The following CTNNA3 variants were observed in gnomAD, a reference collection of about 807,000 sequenced individuals.
CTNNA3 encodes catenin alpha 3.
In CTNNA3, 76 loss-of-function variants were observed where a neutral mutation model predicts 95.7. The ratio of observed to expected loss-of-function variants is 0.79; its 90% confidence interval spans 0.66 to 0.96. CTNNA3 has a LOEUF of 0.96. Among genes scored for constraint, CTNNA3 ranks in the 40% least tolerant of loss-of-function variants. CTNNA3 has a pLI of 0.00. For synonymous variants in CTNNA3, 431 were observed against 374.4 expected, an observed-to-expected ratio of 1.15 and a Z score of -1.74; for missense variants, 1,191 against 1,089.8, an observed-to-expected ratio of 1.09 and a Z score of -1.31.
At chr10:66,090,464 A>G (rs2133690413) in intron 14 of CTNNA3, among the ~76,000 whole-genome samples, 1 of 152,120 alleles carries the variant, frequency 6.6e-6, no homozygotes, top group East Asian at 1.9e-4. Context: ...TTCCTTATAA[A>G]TATTAACTCC....
chr10:67,111,230 T>C (rs1250228611), intron 7 of CTNNA3, among the ~76,000 whole-genome samples: 1 of 152,150 alleles, frequency 6.6e-6, no homozygotes, highest in Non-Finnish European at 1.5e-5. Flanking sequence ...CATTAATTTA[T>C]CTTGAAAAAT....
chr10:67,243,118 C>T (rs1181192305), intron 5 of CTNNA3, among the ~76,000 whole-genome samples: 1 of 152,102 alleles, frequency 6.6e-6, no homozygotes, highest in African/African-American at 2.4e-5. Flanking sequence ...AGCTGCATAT[C>T]TCAAGTTGAG....
chr10:67,609,075 G>A lies in CTNNA3; in HGVS notation c.100-2026C>T, dbSNP rs78109826. On this transcript the variant is annotated intron_variant, in intron 2 of 17. Coordinates refer to ENST00000433211, the MANE Select transcript of CTNNA3 (RefSeq NM_013266.4). Reference sequence around the variant, plus strand: ...ATTGCACTCCAGCCTGGGCAACAAGGGCAAAACTCTATCTCAAAAAAAAAA... The same window carrying A: ...ATTGCACTCCAGCCTGGGCAACAAGAGCAAAACTCTATCTCAAAAAAAAAA... Among the ~76,000 whole-genome samples, 4,516 of 120,246 alleles carry A rather than the reference G, an allele frequency of 0.038. 532 individuals carry two copies. The East Asian group carries it at 0.44, about 12-fold the overall frequency. The allele number at this position is 120,246 out of a possible 152,430, so 78.9% of individuals were successfully genotyped here. A position where few individuals can be genotyped will look rare whatever the true frequency, so the allele number is the denominator to read the frequency against.
chr10:66,986,921 A>T (rs1850759744), intron 7 of CTNNA3, among the ~76,000 whole-genome samples: 1 of 152,166 alleles, frequency 6.6e-6, no homozygotes, highest in Non-Finnish European at 1.5e-5. Flanking sequence ...CACTGTCTTC[A>T]TGAAGTTTAT....
At chr10:66,557,978 C>A (rs1842442789) in intron 10 of CTNNA3, among the ~76,000 whole-genome samples, 2 of 151,884 alleles carry the variant, frequency 1.3e-5, no homozygotes, top group Non-Finnish European at 2.9e-5. Flanking sequence ...GAGGTATTTC[C>A]AGTATATATA....
chr10:66,985,492 C>T (rs948113503), intron 7 of CTNNA3, among the ~76,000 whole-genome samples: 6 of 152,096 alleles, frequency 3.9e-5, no homozygotes, highest in Non-Finnish European at 7.4e-5. Context: ...GTATACCCAG[C>T]CCTCCTCCTC....
intron 13 of CTNNA3, among the ~76,000 whole-genome samples, chr10:66,154,389 G>C (rs545613709): frequency 6.6e-6 from 1 of 151,458 alleles, no homozygotes; most frequent in Non-Finnish European, 1.5e-5. Flanking sequence ...CCCATACTAC[G>C]ACAGGTCTTT....
At chr10:66,876,072 A>G (rs888520510) in intron 7 of CTNNA3, among the ~76,000 whole-genome samples, 1 of 152,202 alleles carries the variant, frequency 6.6e-6, no homozygotes, top group African/African-American at 2.4e-5. Flanking sequence ...AGCAGAATAC[A>G]TAATAAATAT....
chr10:66,288,402 G>A (rs933957910), intron 12 of CTNNA3, among the ~76,000 whole-genome samples: 2 of 151,974 alleles, frequency 1.3e-5, no homozygotes, highest in Non-Finnish European at 2.9e-5. Flanking sequence ...GAGTTGGGGA[G>A]AGGAAACCTA....
At chr10:67,222,247 A>G (rs909989488) in intron 5 of CTNNA3, among the ~76,000 whole-genome samples, 2 of 152,192 alleles carry the variant, frequency 1.3e-5, no homozygotes, top group African/African-American at 2.4e-5. Context: ...AGTAGCTATC[A>G]ACCCACTGTT....
intron 9 of CTNNA3, among the ~76,000 whole-genome samples, chr10:66,680,178 T>C: frequency 6.6e-6 from 1 of 151,284 alleles, no homozygotes; most frequent in Non-Finnish European, 1.5e-5. Flanking sequence ...TTTTTTTTGT[T>C]TGTTTTTTGT....
rs182267018 is a variant in CTNNA3, at chr10:66,207,922, A to T, written c.1884+72548T>A. Among the ~76,000 whole-genome samples, 5 of 152,214 alleles carry T rather than the reference A, an allele frequency of 3.3e-5. No individual in the cohort carries two copies. The East Asian group carries it at 9.6e-4, about 29-fold the overall frequency. On this transcript the variant is annotated intron_variant, in intron 13 of 17. Coordinates refer to ENST00000433211, the MANE Select transcript of CTNNA3 (RefSeq NM_013266.4). ...AATATTGTGCTGTAGTCATTCACAGAAGCTGAAACAGCAAAATACAAACTA... is the reference window on the plus strand; with the variant it reads ...AATATTGTGCTGTAGTCATTCACAGTAGCTGAAACAGCAAAATACAAACTA...
intron 1 of CTNNA3, among the ~76,000 whole-genome samples, chr10:67,719,481 G>C (rs1455979930): frequency 1.3e-5 from 2 of 152,180 alleles, no homozygotes; most frequent in East Asian, 3.8e-4. Flanking sequence ...ATGTGTCCCA[G>C]AGATTCTGGT....
rs932534588 is a variant in CTNNA3 at position 66,640,987 on chromosome 10, A to G, written c.1282-19203T>C. Among the ~76,000 whole-genome samples the G allele has an allele frequency of 3.9e-5, 6 of 152,178 alleles. 1 individual carries two copies. The highest frequency in any genetic ancestry group is 8.8e-5 in the Non-Finnish European group (6 of 68,026). On this transcript the variant is annotated intron_variant, in intron 9 of 17. Transcript: ENST00000433211. ...GACATGGGAGAAAAAAACAAAAATC[A>G]TTTTTAAATTGATTGTTATTTGCAG...
At chr10:66,568,006 A>G (rs1354224196) in intron 10 of CTNNA3, among the ~76,000 whole-genome samples, 1 of 152,206 alleles carries the variant, frequency 6.6e-6, no homozygotes, top group African/African-American at 2.4e-5. Flanking sequence ...AAACATGTAT[A>G]CTTCACATTT....
At chr10:66,095,909 T>C (rs1449778254) in intron 14 of CTNNA3, among the ~76,000 whole-genome samples, 3 of 152,086 alleles carry the variant, frequency 2.0e-5, no homozygotes, top group Non-Finnish European at 1.5e-5. Flanking sequence ...AACTATATGC[T>C]CTTAAGTGAA....
chr10:67,209,345 G>T (rs1295924069), intron 6 of CTNNA3, among the ~76,000 whole-genome samples: 1 of 152,066 alleles, frequency 6.6e-6, no homozygotes, highest in Admixed American at 6.6e-5. Flanking sequence ...CACCGCACGG[G>T]CCTAATATAA....
intron 6 of CTNNA3, among the ~76,000 whole-genome samples, chr10:67,197,944 C>T (rs890933966): frequency 2.0e-5 from 3 of 152,076 alleles, no homozygotes; most frequent in African/African-American, 7.2e-5. Flanking sequence ...TGCAAAGAAA[C>T]TGTATTGACT....
At chr10:66,407,402 G>A (rs2093066239) in intron 11 of CTNNA3, among the ~76,000 whole-genome samples, 1 of 151,866 alleles carries the variant, frequency 6.6e-6, no homozygotes, top group African/African-American at 2.4e-5. Flanking sequence ...ACATACTATA[G>A]GAGAAATATC....
Sources: allele counts gnomAD v4.1 joint callset (sites outside exome capture counted in the v4.1 genomes callset), GRCh38; gene constraint gnomAD v4.1.1; transcripts MANE v1.5; gene names NCBI Gene and HGNC (gene_info 2026-07-23, HGNC 2026-07-21).